The following SH2D3C variants were observed in gnomAD, a reference collection of about 807,000 sequenced individuals.
SH2D3C encodes SH2 domain-containing protein 3C.
A neutral mutation model predicts 75.2 loss-of-function variants in SH2D3C; 25 were observed. That is an observed-to-expected ratio of 0.33 (90% CI 0.24 to 0.46). The LOEUF (loss-of-function observed/expected upper bound fraction) is 0.46. Among genes scored for constraint, SH2D3C ranks in the 20% least tolerant of loss-of-function variants. SH2D3C has a pLI of 1.00. For missense variants in SH2D3C, 933 were observed against 1,165.3 expected (o/e 0.80, Z 2.90); for synonymous variants, 450 against 473.7 (o/e 0.95, Z 0.65).
chr9:127,771,399 A>C (rs370119977), intron 2 of SH2D3C: 1 of 1,299,460 alleles, frequency 7.7e-7, no homozygotes, highest in Non-Finnish European at 9.8e-7. Flanking sequence ...GCCCCACTCC[A>C]CCGCCTACTC....
At chr9:127,767,394 G>T in intron 2 of SH2D3C, 3 of 1,239,348 alleles carry the variant, frequency 2.4e-6, no homozygotes, top group Non-Finnish European at 3.2e-6. Context: ...CCCAGGGCAT[G>T]CAGCTGCTCA....
In SH2D3C at chr9:127,739,522, A is replaced by AAAAAG. The variant is rs1483463560; in HGVS notation, c.2407+155_2407+159dup. Among the ~76,000 whole-genome samples the AAAAAG allele has an allele frequency of 6.6e-6, 1 of 152,178 alleles. No homozygotes were observed. The highest frequency in any genetic ancestry group is 2.4e-5 in the African/African-American group (1 of 41,452). On this transcript the variant is annotated intron_variant, in intron 11 of 11. Coordinates refer to ENST00000314830, the MANE Select transcript of SH2D3C (RefSeq NM_170600.3). This position sits in a 1 kb window ranked among gnomAD's most constrained non-coding sequence, Gnocchi z 4.3. ...GAGACTCCATCTCAAAAAAAAAAGAAAAAAGAAAAGAAAAGACATGAGAGG... is the reference window on the plus strand; with the variant it reads ...GAGACTCCATCTCAAAAAAAAAAGAAAAAAGAAAAGAAAAGAAAAGACATGAGAGG...
At position 127,744,964 on chromosome 9, in the gene SH2D3C, G is replaced by C. The variant is rs1260866941; in HGVS notation, c.1400C>G (p.Pro467Arg). ...PKTHGESDKG[P>R]HTSPSHTLGK... Reference sequence around the variant, plus strand: ...AAGGGTGTGGGAGGGGCTGGTGTGGGGGCCCTTGTCTGACTCCCCATGGGT... The same window carrying C: ...AAGGGTGTGGGAGGGGCTGGTGTGGCGGCCCTTGTCTGACTCCCCATGGGT... The change falls in exon 7 of 12, where the codon CCC (proline) becomes CGC (arginine). Residue 467 changes from proline (P) to arginine (R), a missense_variant. Coordinates refer to ENST00000314830, the MANE Select transcript of SH2D3C (RefSeq NM_170600.3). The C allele has an allele frequency of 1.9e-6, 3 of 1,557,562 alleles. No individual in the cohort carries two copies. In the South Asian group the frequency reaches 3.7e-5, roughly 19 times the overall value.
intron 2 of SH2D3C, among the ~76,000 whole-genome samples, chr9:127,768,012 CCAGCCCGGTTCCCA>C: frequency 6.6e-6 from 1 of 152,302 alleles, no homozygotes; most frequent in East Asian, 1.9e-4. Flanking sequence ...CCTTCCCAAG[CCAGCCCGGTTCCCA>C]CAGCCCAAGG....
intron 7 of SH2D3C, 34 bp from the exon 8 acceptor site, chr9:127,742,998 T>A (rs1362073534): frequency 6.5e-7 from 1 of 1,529,914 alleles, no homozygotes; most frequent in East Asian, 2.3e-5. Flanking sequence ...ATTAATATCC[T>A]GTCAGGGCTG....
At chr9:127,746,383 G>A (rs541762349) in intron 6 of SH2D3C, among the ~76,000 whole-genome samples, 10 of 152,198 alleles carry the variant, frequency 6.6e-5, no homozygotes, top group Admixed American at 2.6e-4. Context: ...TTTTTTTCCA[G>A]AAATGATCTA....
chr9:127,762,927 G>A (rs1274752317), intron 2 of SH2D3C, among the ~76,000 whole-genome samples: 1 of 152,204 alleles, frequency 6.6e-6, no homozygotes, highest in African/African-American at 2.4e-5. Context: ...CAGAAAAACA[G>A]GCATAAATTG....
In SH2D3C at chr9:127,754,386, G is replaced by T. The variant is rs1410287069; in HGVS notation, c.556-3086C>A. On this transcript the variant is annotated intron_variant, in intron 3 of 11. Coordinates refer to ENST00000314830, the MANE Select transcript of SH2D3C (RefSeq NM_170600.3). This position sits in a 1 kb window ranked among gnomAD's most constrained non-coding sequence, Gnocchi z 4.4. ...GGTCTTAACCCCTTCCCGCCAGCCC[G>T]AGCCCAGCATCCCCTCCAGCTCCCC... Among the ~76,000 whole-genome samples the T allele has an allele frequency of 6.6e-6, 1 of 151,996 alleles. No individual in the cohort carries two copies. Among genetic ancestry groups the T allele is most frequent in the African/African-American group, 2.4e-5 (1 of 41,360 alleles).
At chr9:127,758,503 C>G (rs954315303) in intron 3 of SH2D3C, among the ~76,000 whole-genome samples, 5 of 152,118 alleles carry the variant, frequency 3.3e-5, no homozygotes, top group Non-Finnish European at 7.4e-5. Context: ...CTGAAATATG[C>G]CCCCTGCATT....
In SH2D3C at chr9:127,747,224, C is replaced by G; in HGVS notation, c.1187G>C (p.Ser396Thr). 6.2e-7 allele frequency: 1 copy of G among 1,613,940 alleles called. No homozygotes were observed. Among genetic ancestry groups the G allele is most frequent in the Admixed American group, 1.7e-5 (1 of 60,022 alleles). The stretch of plus-strand genomic sequence containing the variant: ...GTGCAGGTCTGGGATCTGGTCCATG[C>G]TGAGGGCACAGCTGCGGATGGAGTC... ...PRDSIRSCAL[S>T]MDQIPDLHSP... The change falls in exon 6 of 12, where the codon AGC becomes ACC. Residue 396 changes from serine (S) to threonine (T), a missense_variant. Transcript: ENST00000314830.
intron 8 of SH2D3C, among the ~76,000 whole-genome samples, chr9:127,742,459 A>G (rs1844891895): frequency 6.6e-6 from 1 of 151,954 alleles, no homozygotes; most frequent in Non-Finnish European, 1.5e-5. Flanking sequence ...CTGGTGTCGA[A>G]CTCCTGACCT....
At position 127,744,072 on chromosome 9, in the gene SH2D3C, C is replaced by CTTT. The variant is rs34636940; in HGVS notation, c.1800+489_1800+491dup. ...GGAGGAAGCAAGGATATCTTATGTGCTTTTTTTTTTTTTTTTTTTGAATAG... is the reference window on the plus strand; with the variant it reads ...GGAGGAAGCAAGGATATCTTATGTGCTTTTTTTTTTTTTTTTTTTTTTGAATAG... On this transcript the variant is annotated intron_variant, in intron 7 of 11. Transcript: ENST00000314830. Among the ~76,000 whole-genome samples, 201 of 114,518 alleles carry CTTT rather than the reference C, an allele frequency of 1.8e-3. 9 individuals carry two copies. The highest frequency in any genetic ancestry group is 2.7e-3 in the African/African-American group (78 of 29,352). 75.1% of individuals were successfully genotyped at this position (114,518 alleles called of 152,430 possible).
chr9:127,761,502 T>C, intron 3 of SH2D3C, 109 bp downstream of exon 3: 1 of 701,452 alleles, frequency 1.4e-6, no homozygotes. Context: ...GAATACACAG[T>C]GAGGTCTGGC....
chr9:127,749,449 CAT>C lies in SH2D3C; in HGVS notation c.899_900del (p.His300ArgfsTer39). On this transcript the variant is annotated frameshift_variant, in exon 5 of 12. Transcript: ENST00000314830. LOFTEE classifies it high-confidence loss of function. The surrounding 1 kb of genome is among the most constrained non-coding windows in gnomAD (Gnocchi z 5.9). ...FDHVPALVRY[H>X]VGSRKAVSEQ... ...TCTGACACAGCCTTGCGGCTGCCCA[CAT>C]GATAGCGCACGAGGGCGGGCACGTG... 1 of 1,614,214 alleles carries C rather than the reference CAT, an allele frequency of 6.2e-7. No individual in the cohort carries two copies. The highest frequency in any genetic ancestry group is 8.5e-7 in the Non-Finnish European group (1 of 1,180,044).
At chr9:127,773,937 A>T in intron 2 of SH2D3C, 53 bp downstream of exon 2, 2 of 1,084,694 alleles carry the variant, frequency 1.8e-6, no homozygotes, top group Non-Finnish European at 2.7e-6. Context: ...AAAAAGAAAA[A>T]GAAAAAAACA....
intron 5 of SH2D3C, among the ~76,000 whole-genome samples, chr9:127,748,084 A>G (rs2131749648): frequency 6.6e-6 from 1 of 152,256 alleles, no homozygotes; most frequent in East Asian, 1.9e-4. Flanking sequence ...AACTACAACC[A>G]TTCTCTGGGC....
In SH2D3C at chr9:127,751,058, G is replaced by C. The variant is rs1845187387; in HGVS notation, c.684+114C>G. 16 of 984,176 alleles carry C rather than the reference G, an allele frequency of 1.6e-5. No homozygotes were observed. The highest frequency in any genetic ancestry group is 3.3e-4 in the Middle Eastern group (1 of 3,070). 61.0% of individuals were successfully genotyped at this position (984,176 alleles called of 1,614,324 possible). Reference sequence around the variant, plus strand: ...GACCTCATCCCAGTCCATTCTGATTGAATCCACCAAGCAACAGGTCAGAGC... The same window carrying C: ...GACCTCATCCCAGTCCATTCTGATTCAATCCACCAAGCAACAGGTCAGAGC... On this transcript the variant is annotated intron_variant, in intron 4 of 11. Coordinates refer to ENST00000314830, the MANE Select transcript of SH2D3C (RefSeq NM_170600.3). This position sits in a 1 kb window ranked among gnomAD's most constrained non-coding sequence, Gnocchi z 4.1.
intron 6 of SH2D3C, among the ~76,000 whole-genome samples, chr9:127,745,579 C>T (rs567881863): frequency 1.0e-3 from 138 of 138,104 alleles, no homozygotes; most frequent in Non-Finnish European, 1.4e-3. Flanking sequence ...TTCTTCAATT[C>T]TTGAGCCTCA....
chr9:127,741,741 T>G (rs772640670), intron 9 of SH2D3C, 47 bp downstream of exon 9: 29 of 1,588,214 alleles, frequency 1.8e-5, no homozygotes, highest in Middle Eastern at 3.4e-4. Flanking sequence ...ACCCCAGGGC[T>G]CTTCCAGACA....
Sources: gnomAD v4.1 joint callset for allele counts (sites outside exome capture counted in the v4.1 genomes callset) on GRCh38, gnomAD v4.1.1 for gene constraint, Gnocchi (gnomAD v3.1) non-coding constraint, MANE v1.5 for transcripts, NCBI Gene and HGNC (gene_info 2026-07-23, HGNC 2026-07-21) for gene names.